TOMM70: variants seen among roughly 807,000 people sequenced by gnomAD.
The protein encoded by TOMM70 is translocase of outer mitochondrial membrane 70.
A neutral mutation model predicts 73.6 loss-of-function variants in TOMM70; 13 were observed. The ratio of observed to expected loss-of-function variants is 0.18; its 90% CI spans 0.11 to 0.28. The LOEUF (loss-of-function observed/expected upper bound fraction) is 0.28. TOMM70 is among the 10% of genes least tolerant of loss of function. The pLI, the probability that TOMM70 is intolerant of heterozygous loss-of-function variation, is 1.00. For missense variants in TOMM70, 609 were observed against 747.5 expected (o/e 0.81, Z 2.16); for synonymous variants, 257 against 271.2 (o/e 0.95, Z 0.51).
intron 5 of TOMM70, 82 bp downstream of exon 5, chr3:100,381,533 G>A: frequency 1.7e-6 from 2 of 1,191,626 alleles, no homozygotes; most frequent in Non-Finnish European, 2.2e-6. Context: ...GTTGTGAGAT[G>A]GCTCAGAACC....
intron 5 of TOMM70, among the ~76,000 whole-genome samples, chr3:100,380,794 T>A (rs9844356): frequency 0.015 from 2,333 of 152,274 alleles, 27 homozygotes; most frequent in African/African-American, 0.04. Flanking sequence ...AGTATAATTA[T>A]GCACAGTATC....
rs145112681 is a variant in TOMM70 at position 100,393,259 on chromosome 3, G to A, written c.325-6281C>T. Among the ~76,000 whole-genome samples the A allele has an allele frequency of 5.9e-5, 9 of 151,358 alleles. No homozygotes were observed. The East Asian group carries it at 1.6e-3, about 26-fold the overall frequency. ...TATATATACCCATGGAATACTACTC[G>A]GCCATTAAAAAACAAACATGAAATA... On this transcript the variant is annotated intron_variant, in intron 1 of 11. Coordinates refer to ENST00000284320, the MANE Select transcript of TOMM70 (RefSeq NM_014820.5).
chr3:100,387,273 C>A (rs1706702035), intron 1 of TOMM70, among the ~76,000 whole-genome samples: 1 of 152,018 alleles, frequency 6.6e-6, no homozygotes, highest in Non-Finnish European at 1.5e-5. Flanking sequence ...GTGTCGGAAC[C>A]CCGTCTCTAT....
chr3:100,368,424 T>C (rs1232648512), intron 10 of TOMM70, among the ~76,000 whole-genome samples: 2 of 152,212 alleles, frequency 1.3e-5, no homozygotes, highest in Non-Finnish European at 2.9e-5. Context: ...TCACTTTATA[T>C]AAATTTAAGT....
At chr3:100,380,811 T>TAA in intron 5 of TOMM70, among the ~76,000 whole-genome samples, 1 of 152,330 alleles carries the variant, frequency 6.6e-6, no homozygotes, top group East Asian at 1.9e-4. Flanking sequence ...TATCTTCTCT[T>TAA]AAAAGGTCAA....
intron 9 of TOMM70, 29 bp from the exon 10 acceptor site, chr3:100,369,164 A>G: frequency 6.7e-7 from 1 of 1,500,902 alleles, no homozygotes; most frequent in Non-Finnish European, 9.3e-7. Context: ...CAGTTATATT[A>G]AGGTAACCGT....
chr3:100,393,365 T>C (rs1306941344), intron 1 of TOMM70, among the ~76,000 whole-genome samples: 1 of 152,142 alleles, frequency 6.6e-6, no homozygotes, highest in African/African-American at 2.4e-5. Context: ...AAATACCATA[T>C]GTTCTCACTT....
intron 1 of TOMM70, among the ~76,000 whole-genome samples, chr3:100,387,595 CACAG>C (rs1314342398): frequency 0.027 from 3,121 of 114,226 alleles, 39 homozygotes; most frequent in Non-Finnish European, 0.035. Context: ...CAGACACAGA[CACAG>C]ACACACACAC....
In TOMM70 at chr3:100,400,925, C is replaced by T; in HGVS notation, c.25G>A (p.Ala9Thr). 6.6e-7 allele frequency: 1 copy of T among 1,524,146 alleles called. No homozygotes were observed. Among genetic ancestry groups the T allele is most frequent in the Non-Finnish European group, 8.8e-7 (1 of 1,142,416 alleles). 94.4% of individuals were successfully genotyped at this position (1,524,146 alleles called of 1,614,324 possible). A position where few individuals can be genotyped will look rare whatever the true frequency, so the allele number is the denominator to read the frequency against. ...GGTACAGCGGCTGCGACCACCGCTG[C>T]CTCCACAGGTTTAGAGGCGGCCATG... MAASKPVEAAVVAAAVPSS... is the reference protein window; with the variant it reads MAASKPVETAVVAAAVPSS... Residue 9 changes from alanine (A) to threonine (T), a missense_variant, in exon 1 of 12, where the codon GCA (alanine) becomes ACA (threonine). By Grantham distance (58) the Ala-to-Thr change is moderately conservative. Around this residue, in one of 2 missense-constraint regions of TOMM70, gnomAD observed 177 missense variants for 163.5 expected, o/e 1.08. Coordinates refer to ENST00000284320, the MANE Select transcript of TOMM70 (RefSeq NM_014820.5).
intron 5 of TOMM70, 81 bp from the exon 6 acceptor site, chr3:100,377,993 T>G (rs2148890868): frequency 1.6e-6 from 2 of 1,277,368 alleles, no homozygotes; most frequent in Non-Finnish European, 1.1e-6. Context: ...ACGCCTGTAA[T>G]CCCAGCACTT....
At position 100,397,871 on chromosome 3, in the gene TOMM70, AGAGT is replaced by A. The variant is rs1706842771; in HGVS notation, c.324+2751_324+2754del. On this transcript the variant is annotated intron_variant, in intron 1 of 11. Coordinates refer to ENST00000284320, the MANE Select transcript of TOMM70 (RefSeq NM_014820.5). The stretch of plus-strand genomic sequence containing the variant: ...GCCATTGCACTCCAGCCTGGGTGAC[AGAGT>A]GAGACTCCGTATCAAAAAAAAAAAG... Among the ~76,000 whole-genome samples the A allele has an allele frequency of 2.6e-5, 4 of 152,132 alleles. 1 individual carries two copies. The South Asian group carries it at 8.3e-4, about 32-fold the overall frequency.
intron 5 of TOMM70, among the ~76,000 whole-genome samples, chr3:100,378,115 A>G (rs1210132073): frequency 7.2e-5 from 11 of 152,106 alleles, no homozygotes; most frequent in East Asian, 3.9e-4. Context: ...GTGGAGGCGC[A>G]TGCCTGTATC....
chr3:100,375,507 G>C (rs769444576), intron 6 of TOMM70, among the ~76,000 whole-genome samples: 1 of 152,100 alleles, frequency 6.6e-6, no homozygotes, highest in Non-Finnish European at 1.5e-5. Flanking sequence ...ATAGCCTTTT[G>C]TGTCTGGCTT....
chr3:100,370,532 C>T (rs1175149675), intron 9 of TOMM70, among the ~76,000 whole-genome samples: 1 of 152,068 alleles, frequency 6.6e-6, no homozygotes, highest in Admixed American at 6.6e-5. Context: ...AATCCCACGG[C>T]TGAAATGGAA....
chr3:100,400,170 T>C (rs1417072486), intron 1 of TOMM70, among the ~76,000 whole-genome samples: 1 of 152,184 alleles, frequency 6.6e-6, no homozygotes, highest in African/African-American at 2.4e-5. Flanking sequence ...GTTGCCCACT[T>C]ACCCCCAGCA....
chr3:100,379,381 T>C (rs567468120), intron 5 of TOMM70, among the ~76,000 whole-genome samples: 1 of 152,240 alleles, frequency 6.6e-6, no homozygotes, highest in South Asian at 2.1e-4. Context: ...CCCAGTAGTA[T>C]GGAAGGCTAA....
At chr3:100,381,508 A>G in intron 5 of TOMM70, 107 bp downstream of exon 5, 1 of 746,040 alleles carries the variant, frequency 1.3e-6, no homozygotes, top group Non-Finnish European at 2.0e-6. Flanking sequence ...CTCTATCTGT[A>G]GATAGATAGC....
At chr3:100,370,214 C>T (rs1162528703) in intron 9 of TOMM70, among the ~76,000 whole-genome samples, 1 of 152,138 alleles carries the variant, frequency 6.6e-6, no homozygotes, top group Non-Finnish European at 1.5e-5. Flanking sequence ...TGGATGCCTT[C>T]CTGATATATT....
At position 100,363,499 on chromosome 3, in the gene TOMM70, G is replaced by C. The variant is rs2148887270; in HGVS notation, c.*2065C>G. The C allele has an allele frequency of 6.6e-6, 1 of 152,670 alleles. No individual in the cohort carries two copies. Among genetic ancestry groups the C allele is most frequent in the South Asian group, 2.1e-4 (1 of 4,822 alleles). The allele number at this position is 152,670 out of a possible 1,614,324, so 9.5% of individuals were successfully genotyped here. A position where few individuals can be genotyped will look rare whatever the true frequency, so the allele number is the denominator to read the frequency against. On this transcript the variant is annotated 3_prime_UTR_variant, in exon 12 of 12. Transcript: ENST00000284320. ...ATTTATTTGGTGAATTTACATGTGA[G>C]GTCATTTACAAAAGAAAGATACAGA... is the stretch of plus-strand genomic sequence containing the variant.
Sources: gnomAD v4.1 joint callset for allele counts (sites outside exome capture counted in the v4.1 genomes callset) on GRCh38, gnomAD v4.1.1 for gene constraint, gnomAD v4.1.1 regional missense constraint, MANE v1.5 for transcripts, NCBI Gene and HGNC (gene_info 2026-07-23, HGNC 2026-07-21) for gene names.